DOCK3: variants seen among roughly 807,000 people sequenced by gnomAD.
DOCK3 encodes dedicator of cytokinesis 3, also known as dedicator of cytokinesis protein 3.
A neutral mutation model predicts 265.6 loss-of-function variants in DOCK3; 60 were observed. The ratio of observed to expected loss-of-function variants is 0.23; its 90% CI spans 0.18 to 0.28. DOCK3 has a LOEUF of 0.28. Among genes scored for constraint, DOCK3 ranks in the 10% least tolerant of loss-of-function variants. The pLI, the probability that DOCK3 is intolerant of heterozygous loss-of-function variation, is 1.00. For missense variants in DOCK3, 1,981 were observed against 2,594.3 expected (o/e 0.76, Z 5.14); for synonymous variants, 881 against 938.0 (o/e 0.94, Z 1.11).
intron 25 of DOCK3, 41 bp downstream of exon 25, chr3:51,275,247 C>T (rs2080751132): frequency 5.6e-6 from 9 of 1,611,490 alleles, no homozygotes; most frequent in Non-Finnish European, 5.9e-6. Context: ...CAGCTCTTCC[C>T]TAGTCTTGTG....
Position 51,090,320 on chromosome 3 carries a change from A to G in DOCK3, c.682A>G (p.Thr228Ala). ...CAGCCTGAAGAGTTTCACTTACAAT[A>G]CTATTGGGGAAGATACCGATGTCTT... Reference protein sequence around the residue: ...FLSLKSFTYNTIGEDTDVFFS... With the variant: ...FLSLKSFTYNAIGEDTDVFFS... Residue 228 changes from threonine (T) to alanine (A), a missense_variant, in exon 9 of 53, where the codon ACT (threonine) becomes GCT (alanine). Transcript: ENST00000266037. 1 of 1,604,132 alleles carries G rather than the reference A, an allele frequency of 6.2e-7. No homozygotes were observed. The highest frequency in any genetic ancestry group is 8.5e-7 in the Non-Finnish European group (1 of 1,175,168).
chr3:51,238,944 G>T (rs2078469258), intron 21 of DOCK3, among the ~76,000 whole-genome samples: 1 of 152,130 alleles, frequency 6.6e-6, no homozygotes, highest in Non-Finnish European at 1.5e-5. Flanking sequence ...CTTTATGGTA[G>T]AACAATTTAT....
At chr3:50,898,270 G>A (rs1209031461) in intron 4 of DOCK3, among the ~76,000 whole-genome samples, 2 of 152,132 alleles carry the variant, frequency 1.3e-5, no homozygotes, top group Admixed American at 6.6e-5. Context: ...TTGCATAGAG[G>A]TGTTCATAGT....
Position 51,288,889 on chromosome 3 carries a change from T to G in DOCK3, c.2922+8685T>G, listed in dbSNP as rs571112334. ...TAGGAGAGGGGTGTTTGTGTGGGTG[T>G]GTGTGTGTGTGTGGGTGTGTGTGTG... On this transcript the variant is annotated intron_variant, in intron 27 of 52. Transcript: ENST00000266037. Among the ~76,000 whole-genome samples the G allele has an allele frequency of 2.0e-3, 304 of 149,122 alleles. 3 individuals are homozygous for G. The highest frequency in any genetic ancestry group is 7.1e-3 in the African/African-American group (277 of 39,228).
chr3:50,804,387 C>T (rs1325624823), intron 2 of DOCK3, among the ~76,000 whole-genome samples: 5 of 152,068 alleles, frequency 3.3e-5, no homozygotes, highest in South Asian at 2.1e-4. Context: ...CCAAGGCAGG[C>T]GGCTGGGAGG....
chr3:50,931,844 G>GTT lies in DOCK3; in HGVS notation c.219-2135_219-2134dup, dbSNP rs567142237. 4.6e-5 allele frequency among the ~76,000 whole-genome samples: 7 copies of GTT among 152,308 alleles called. No individual in the cohort carries two copies. In the East Asian group the frequency reaches 9.6e-4, roughly 21 times the overall value. Reference sequence around the variant, plus strand: ...GTGAGAGAAATTGGAGGGTTATGGAGTTTCTCTTGTTGAGCTGTACTGCTT... The same window carrying GTT: ...GTGAGAGAAATTGGAGGGTTATGGAGTTTTTCTCTTGTTGAGCTGTACTGCTT... On this transcript the variant is annotated intron_variant, in intron 4 of 52. Coordinates refer to ENST00000266037, the MANE Select transcript of DOCK3 (RefSeq NM_004947.5).
chr3:51,166,824 A>T (rs2107591320), intron 12 of DOCK3, among the ~76,000 whole-genome samples: 2 of 152,174 alleles, frequency 1.3e-5, no homozygotes, highest in East Asian at 3.9e-4. Context: ...GTTTTTATGC[A>T]ATTCAGTTAT....
chr3:51,011,053 T>A (rs922361826), intron 5 of DOCK3, among the ~76,000 whole-genome samples: 4 of 152,146 alleles, frequency 2.6e-5, no homozygotes, highest in African/African-American at 9.7e-5. Flanking sequence ...GCCCTTAACA[T>A]GTTTTCCTTC....
In DOCK3 at chr3:51,260,271, T is replaced by A. The variant is rs1403708178; in HGVS notation, c.2300T>A (p.Ile767Asn). Residue 767 changes from isoleucine (I) to asparagine (N), a missense_variant, in exon 23 of 53, where the codon ATC (isoleucine) becomes AAC (asparagine). By Grantham distance (149) the Ile-to-Asn change is moderately radical. Transcript: ENST00000266037. Reference protein sequence around the residue: ...RSSIQELFQSIRFVLSLDSRN... With the variant: ...RSSIQELFQSNRFVLSLDSRN... ...AGTATCCAAGAACTTTTCCAGTCCA[T>A]CCGGTTTGTGCTCAGTCTGGACAGC... 6.2e-7 allele frequency: 1 copy of A among 1,613,818 alleles called. No individual in the cohort carries two copies. Among genetic ancestry groups the A allele is most frequent in the Non-Finnish European group, 8.5e-7 (1 of 1,179,886 alleles).
intron 5 of DOCK3, among the ~76,000 whole-genome samples, chr3:50,971,490 T>C (rs1335196687): frequency 6.6e-6 from 1 of 152,132 alleles, no homozygotes; most frequent in East Asian, 1.9e-4. Context: ...GTAGTAACAA[T>C]GCACTAGATG....
intron 37 of DOCK3, among the ~76,000 whole-genome samples, chr3:51,340,103 G>C (rs1488811542): frequency 6.6e-6 from 1 of 152,138 alleles, no homozygotes; most frequent in Non-Finnish European, 1.5e-5. Context: ...CTCTGAGAGG[G>C]CATTGAAGAG....
At chr3:50,946,236 C>T (rs1337125926) in intron 5 of DOCK3, among the ~76,000 whole-genome samples, 1 of 151,766 alleles carries the variant, frequency 6.6e-6, no homozygotes, top group Non-Finnish European at 1.5e-5. Context: ...TGAAGAAGGG[C>T]TTTGACGTGC....
intron 5 of DOCK3, among the ~76,000 whole-genome samples, chr3:50,950,336 G>T (rs2076555861): frequency 6.6e-6 from 1 of 151,980 alleles, no homozygotes; most frequent in Non-Finnish European, 1.5e-5. Flanking sequence ...TTTATTTTGA[G>T]CTAATGTCCC....
intron 1 of DOCK3, among the ~76,000 whole-genome samples, chr3:50,695,222 T>G (rs983311887): frequency 6.6e-6 from 1 of 152,236 alleles, no homozygotes; most frequent in Non-Finnish European, 1.5e-5. Flanking sequence ...TCTGTAAGAC[T>G]TTGCTGCCTC....
chr3:50,849,773 A>G (rs1269188132), intron 3 of DOCK3, among the ~76,000 whole-genome samples: 1 of 152,208 alleles, frequency 6.6e-6, no homozygotes, highest in Non-Finnish European at 1.5e-5. Flanking sequence ...AACAAATTCC[A>G]GAAGGATACA....
At chr3:50,894,256 T>C (rs1235853556) in intron 4 of DOCK3, among the ~76,000 whole-genome samples, 1 of 151,990 alleles carries the variant, frequency 6.6e-6, no homozygotes. Flanking sequence ...CCTCCATAAA[T>C]CTGCTATCAG....
At chr3:51,178,852 G>A (rs553460563) in intron 12 of DOCK3, among the ~76,000 whole-genome samples, 48 of 152,282 alleles carry the variant, frequency 3.2e-4, no homozygotes, top group Non-Finnish European at 6.3e-4. Flanking sequence ...AGAGAATTTG[G>A]ATAAAGTTGA....
At chr3:50,745,181 A>C (rs915913788) in intron 1 of DOCK3, among the ~76,000 whole-genome samples, 6 of 151,656 alleles carry the variant, frequency 4.0e-5, no homozygotes, top group African/African-American at 1.2e-4. Context: ...AAGTAGCTGG[A>C]ATTATAGGGG....
intron 9 of DOCK3, among the ~76,000 whole-genome samples, chr3:51,118,145 C>G (rs1174210710): frequency 6.6e-6 from 1 of 152,148 alleles, no homozygotes; most frequent in African/African-American, 2.4e-5. Context: ...CCCAGAGATT[C>G]TGGTACATTG....
Sources: gnomAD v4.1 joint callset for allele counts (sites outside exome capture counted in the v4.1 genomes callset) on GRCh38, gnomAD v4.1.1 for gene constraint, MANE v1.5 for transcripts, NCBI Gene and HGNC (gene_info 2026-07-23, HGNC 2026-07-21) for gene names.